Variants in PTMA observed in about 807,000 individuals in gnomAD.
PTMA encodes gene sequence 28.
In PTMA, 4 loss-of-function variants were observed where a neutral mutation model predicts 16.9. The ratio of observed to expected loss-of-function variants is 0.24; its 90% confidence interval spans 0.12 to 0.54. The LOEUF is 0.54. PTMA is among the 20% of genes least tolerant of loss of function. PTMA has a pLI of 0.95. For missense variants in PTMA, 120 were observed against 137.7 expected, an observed-to-expected ratio of 0.87 and a Z score of 0.64; for synonymous variants, 58 against 47.9, an observed-to-expected ratio of 1.21 and a Z score of -0.87.
chr2:231,711,076 G>A (rs1383579484), intron 1 of PTMA: 2 of 333,490 alleles, frequency 6.0e-6, no homozygotes, highest in South Asian at 4.1e-5. Flanking sequence ...CCTTTTTCCT[G>A]GGAAGCGCCA....
In PTMA at chr2:231,708,557, C is replaced by T. The variant is rs1018941300; in HGVS notation, c.-150C>T. The stretch of plus-strand genomic sequence containing the variant: ...TGGCTGCTCTGAAAAGCCATCTTTG[C>T]ATTGTTCCTCATCCGCCTCCTTGCT... On this transcript the variant is annotated 5_prime_UTR_variant, in exon 1 of 5. Coordinates refer to ENST00000409115, the MANE Select transcript of PTMA (RefSeq NM_002823.5). 28 of 880,302 alleles carry T rather than the reference C, an allele frequency of 3.2e-5. No homozygotes were observed. The highest frequency in any genetic ancestry group is 1.3e-4 in the African/African-American group (8 of 59,942). The allele number at this position is 880,302 out of a possible 1,614,324, so 54.5% of individuals were successfully genotyped here.
Position 231,708,589 on chromosome 2 carries a change from A to C in PTMA, c.-118A>C, listed in dbSNP as rs531923565. The C allele has an allele frequency of 2.0e-4, 261 of 1,279,728 alleles. 1 individual carries two copies. In the African/African-American group the frequency reaches 3.0e-3, roughly 15 times the overall value. The allele number at this position is 1,279,728 out of a possible 1,614,324, so 79.3% of individuals were successfully genotyped here. The stretch of plus-strand genomic sequence containing the variant: ...CCTCATCCGCCTCCTTGCTCGCCGC[A>C]GCCGCCTCCGCCGCGCGCCTCCTCC... On this transcript the variant is annotated 5_prime_UTR_variant, in exon 1 of 5. Coordinates refer to ENST00000409115, the MANE Select transcript of PTMA (RefSeq NM_002823.5).
At chr2:231,711,212 C>G in intron 1 of PTMA, 136 bp from the exon 2 acceptor site, 1 of 701,820 alleles carries the variant, frequency 1.4e-6, no homozygotes. Context: ...GCAGGGGCAT[C>G]AGGCCTTTCT....
rs2048471399 is a variant in PTMA, at chr2:231,708,642, G to A, written c.-65G>A. On this transcript the variant is annotated 5_prime_UTR_variant, in exon 1 of 5. Coordinates refer to ENST00000409115, the MANE Select transcript of PTMA (RefSeq NM_002823.5). ...CGCCGCGGACTCCGGCAGCTTTATCGCCAGAGTCCCTGAACTCTCGCTTTC... is the reference window on the plus strand; with the variant it reads ...CGCCGCGGACTCCGGCAGCTTTATCACCAGAGTCCCTGAACTCTCGCTTTC... The A allele has an allele frequency of 1.0e-5, 16 of 1,590,476 alleles. No homozygotes were observed. The South Asian group carries it at 1.2e-4, about 12-fold the overall frequency.
Position 231,708,599 on chromosome 2 carries a change from G to A in PTMA, c.-108G>A, listed in dbSNP as rs943024627. 6.3e-6 allele frequency: 9 copies of A among 1,431,788 alleles called. No individual in the cohort carries two copies. Among genetic ancestry groups the A allele is most frequent in the African/African-American group, 2.8e-5 (2 of 71,082 alleles). 88.7% of individuals were successfully genotyped at this position (1,431,788 alleles called of 1,614,324 possible). A position where few individuals can be genotyped will look rare whatever the true frequency, so the allele number is the denominator to read the frequency against. On this transcript the variant is annotated 5_prime_UTR_variant, in exon 1 of 5. Coordinates refer to ENST00000409115, the MANE Select transcript of PTMA (RefSeq NM_002823.5). ...CTCCTTGCTCGCCGCAGCCGCCTCC[G>A]CCGCGCGCCTCCTCCGCCGCCGCGG...
intron 1 of PTMA, chr2:231,710,224 G>A (rs1013013096): frequency 1.5e-6 from 2 of 1,343,782 alleles, no homozygotes; most frequent in Non-Finnish European, 9.7e-7. Context: ...GGGGCGTCGA[G>A]TCGAGAGCCC....
chr2:231,710,875 C>T (rs1418525773), intron 1 of PTMA, among the ~76,000 whole-genome samples: 1 of 152,212 alleles, frequency 6.6e-6, no homozygotes, highest in East Asian at 1.9e-4. Flanking sequence ...TCCAGGCTGG[C>T]GCGCCTGTGG....
At chr2:231,710,471 CGGGGTCCGCGGAGCGGAGCG>C (rs1231634319) in intron 1 of PTMA, 7 of 1,081,014 alleles carry the variant, frequency 6.5e-6, no homozygotes, top group East Asian at 1.5e-4. Flanking sequence ...CGGGCGGAGC[CGGGGTCCGCGGAGCGGAGCG>C]GGGCGGGCCG....
At chr2:231,711,550 G>A in intron 2 of PTMA, 131 bp downstream of exon 2, 2 of 872,820 alleles carry the variant, frequency 2.3e-6, no homozygotes, top group African/African-American at 1.7e-5. Context: ...CAGTATCGTA[G>A]CCAATGAGCT....
chr2:231,711,582 C>T (rs568412711), intron 2 of PTMA, 163 bp downstream of exon 2: 6 of 744,576 alleles, frequency 8.1e-6, no homozygotes, highest in Admixed American at 2.9e-5. Context: ...GCGATTATTG[C>T]TAGTTAAATA....
chr2:231,710,717 TTGG>T (rs2048507450), intron 1 of PTMA: 2 of 361,720 alleles, frequency 5.5e-6, no homozygotes, highest in Non-Finnish European at 1.1e-5. Context: ...AGGCCGGGAG[TTGG>T]TGGCTCCGGC....
intron 4 of PTMA, 141 bp from the exon 5 acceptor site, chr2:231,712,663 A>G: frequency 7.6e-7 from 1 of 1,317,104 alleles, no homozygotes; most frequent in Non-Finnish European, 1.1e-6. Context: ...GGAAGGAAAC[A>G]GGGCTGGGCT....
At chr2:231,712,733 A>G in intron 4 of PTMA, 71 bp from the exon 5 acceptor site, 1 of 1,525,178 alleles carries the variant, frequency 6.6e-7, no homozygotes, top group Non-Finnish European at 8.9e-7. Context: ...CTCTGCCAGC[A>G]GGAGCTGAGG....
chr2:231,710,521 TG>T, intron 1 of PTMA: 1 of 866,382 alleles, frequency 1.2e-6, no homozygotes, highest in Non-Finnish European at 1.7e-6. Flanking sequence ...GGCCGACAGG[TG>T]GCCCGGAGCC....
chr2:231,710,095 C>T (rs2048496933), intron 1 of PTMA: 9 of 1,238,964 alleles, frequency 7.3e-6, no homozygotes, highest in Non-Finnish European at 9.1e-6. Flanking sequence ...TGAGTAGTAG[C>T]CCGAGAGGCG....
rs371087536 is a variant in PTMA, at chr2:231,710,253, C to T, written c.46-1095C>T. On this transcript the variant is annotated intron_variant, in intron 1 of 4. Coordinates refer to ENST00000409115, the MANE Select transcript of PTMA (RefSeq NM_002823.5). ...AGAGCCCGGCCGACCGACGCGCGAC[C>T]CGCGCGCGTGCCACTGCAAGCTCTG... is the stretch of plus-strand genomic sequence containing the variant. The T allele has an allele frequency of 4.4e-5, 59 of 1,337,866 alleles. No individual in the cohort carries two copies. In the Admixed American group the frequency reaches 7.1e-4, roughly 16 times the overall value. The allele number at this position is 1,337,866 out of a possible 1,614,324, so 82.9% of individuals were successfully genotyped here. A position where few individuals can be genotyped will look rare whatever the true frequency, so the allele number is the denominator to read the frequency against.
intron 1 of PTMA, chr2:231,711,014 C>A: frequency 3.8e-6 from 1 of 263,050 alleles, no homozygotes; most frequent in Non-Finnish European, 7.4e-6. Flanking sequence ...CGTGAGTGTC[C>A]GGGGCTCGTC....
At chr2:231,712,668 T>G in intron 4 of PTMA, 136 bp from the exon 5 acceptor site, 1 of 1,317,580 alleles carries the variant, frequency 7.6e-7, no homozygotes, top group Non-Finnish European at 1.1e-6. Flanking sequence ...GAAACAGGGC[T>G]GGGCTCAACT....
rs1444573958 is a variant in PTMA at position 231,711,356 on chromosome 2, G to A, written c.54G>A (p.Lys18=). ...CTTCTTCCCTTTTGAAGGACTTAAA[G>A]GAGAAGAAGGAAGTTGTGGAAGAGG... ...TSSEITTKDL[K]EKKEVVEEAE... is the part of the protein sequence containing the mutation. The change falls in exon 2 of 5, where the codon AAG becomes AAA. Residue 18 remains lysine, a synonymous_variant. Coordinates refer to ENST00000409115, the MANE Select transcript of PTMA (RefSeq NM_002823.5). 3.1e-6 allele frequency: 5 copies of A among 1,614,006 alleles called. No individual in the cohort carries two copies. The highest frequency in any genetic ancestry group is 1.7e-5 in the Admixed American group (1 of 60,024).
Sources: gnomAD v4.1 joint callset for allele counts (sites outside exome capture counted in the v4.1 genomes callset) on GRCh38, gnomAD v4.1.1 for gene constraint, MANE v1.5 for transcripts, NCBI Gene and HGNC (gene_info 2026-07-23, HGNC 2026-07-21) for gene names.